The following NREP variants were observed in gnomAD, a reference collection of about 807,000 sequenced individuals.
NREP encodes neuronal regeneration-related protein.
NREP carries 5 observed loss-of-function variants against 8.6 expected under a neutral mutation model. The ratio of observed to expected loss-of-function variants is 0.58; its 90% CI spans 0.30 to 1.22. The LOEUF is 1.22. Among genes scored for constraint, NREP ranks in the 50% most tolerant of loss-of-function variants. The probability of loss-of-function intolerance (pLI) is 0.07; values close to 1 mark genes in which losing one functional copy is unlikely to be tolerated. For missense variants in NREP, 86 were observed against 82.5 expected, an observed-to-expected ratio of 1.04 and a Z score of -0.17; for synonymous variants, 27 against 28.0, an observed-to-expected ratio of 0.96 and a Z score of 0.11.
At chr5:111,909,367 G>T (rs1754854361) in intron 2 of NREP, among the ~76,000 whole-genome samples, 1 of 152,046 alleles carries the variant, frequency 6.6e-6, no homozygotes, top group South Asian at 2.1e-4. Flanking sequence ...AAAACACAAT[G>T]AGTTAGGTTG....
chr5:111,888,537 T>G (rs1406970673), intron 2 of NREP, among the ~76,000 whole-genome samples: 1 of 152,148 alleles, frequency 6.6e-6, no homozygotes, highest in Admixed American at 6.5e-5. Context: ...TCAATTACCT[T>G]CACCTAGTCC....
At chr5:111,902,149 T>C (rs1754661898) in intron 2 of NREP, among the ~76,000 whole-genome samples, 1 of 152,008 alleles carries the variant, frequency 6.6e-6, no homozygotes, top group Non-Finnish European at 1.5e-5. Context: ...ATCTATATAT[T>C]TTCAGCCAAC....
intron 2 of NREP, among the ~76,000 whole-genome samples, chr5:111,817,757 A>G (rs187802486): frequency 6.9e-6 from 1 of 144,490 alleles, no homozygotes; most frequent in East Asian, 2.1e-4. Flanking sequence ...GTGAGCTGAG[A>G]TCGTGCCACT....
At chr5:111,919,891 G>GA (rs1225499652) in intron 2 of NREP, among the ~76,000 whole-genome samples, 1 of 148,294 alleles carries the variant, frequency 6.7e-6, no homozygotes, top group Non-Finnish European at 1.5e-5. Context: ...AAGAAAGAAA[G>GA]AAAGAAAGAA....
At chr5:111,964,869 A>ATAAAT (rs1756593230) in intron 2 of NREP, among the ~76,000 whole-genome samples, 1 of 107,918 alleles carries the variant, frequency 9.3e-6, no homozygotes, top group African/African-American at 5.9e-5. Flanking sequence ...AAAAAAAAAA[A>ATAAAT]AAAAAAAAAA....
Position 111,729,669 on chromosome 5 carries a change from A to G in NREP, c.*1252T>C, listed in dbSNP as rs1434069299. On this transcript the variant is annotated 3_prime_UTR_variant, in exon 4 of 4. Coordinates refer to ENST00000257435, the MANE Select transcript of NREP (RefSeq NM_004772.4). ...CAAAAGAAGAGCTAAAGACAGTTAT[A>G]TAAAAATTAAGGTGGGCTTTCAGAC... 1 of 152,512 alleles carries G rather than the reference A, an allele frequency of 6.6e-6. No individual in the cohort carries two copies. The highest frequency in any genetic ancestry group is 1.5e-5 in the Non-Finnish European group (1 of 67,988). 9.4% of individuals were successfully genotyped at this position (152,512 alleles called of 1,614,324 possible). A position where few individuals can be genotyped will look rare whatever the true frequency, so the allele number is the denominator to read the frequency against.
In NREP at chr5:111,741,348, C is replaced by G. The variant is rs112846327; in HGVS notation, c.4-5841G>C. ...GGTTGTGAAACCTAGTACTGTAATT[C>G]AAGGAGAATTCATGCGCATATACAT... On this transcript the variant is annotated intron_variant, in intron 2 of 3. Transcript: ENST00000257435. Among the ~76,000 whole-genome samples, 571 of 152,218 alleles carry G rather than the reference C, an allele frequency of 3.8e-3. 3 individuals carry two copies. The highest frequency in any genetic ancestry group is 0.013 in the African/African-American group (550 of 41,524).
chr5:111,776,591 A>C (rs757790670), intron 2 of NREP, among the ~76,000 whole-genome samples: 1 of 152,206 alleles, frequency 6.6e-6, no homozygotes, highest in African/African-American at 2.4e-5. Flanking sequence ...AGAATGAATA[A>C]ATAGTCGTCG....
chr5:111,950,982 T>A (rs982715121), intron 2 of NREP, among the ~76,000 whole-genome samples: 1 of 152,096 alleles, frequency 6.6e-6, no homozygotes, highest in African/African-American at 2.4e-5. Context: ...GCACTATCCT[T>A]ACTCTCTGCC....
chr5:111,761,529 A>C (rs1015515117), upstream of NREP, among the ~76,000 whole-genome samples: 6 of 152,208 alleles, frequency 3.9e-5, no homozygotes, highest in South Asian at 1.2e-3. Flanking sequence ...CACCAGGTAC[A>C]GAACTCTACA....
At chr5:111,839,996 C>A (rs778105370) in intron 2 of NREP, among the ~76,000 whole-genome samples, 7 of 152,024 alleles carry the variant, frequency 4.6e-5, no homozygotes, top group Non-Finnish European at 7.4e-5. Context: ...ACATCCTGAT[C>A]GTGTTTCAGA....
At chr5:111,902,147 A>G (rs914712553) in intron 2 of NREP, among the ~76,000 whole-genome samples, 1 of 152,112 alleles carries the variant, frequency 6.6e-6, no homozygotes, top group Non-Finnish European at 1.5e-5. Context: ...TAATCTATAT[A>G]TTTTCAGCCA....
intron 2 of NREP, among the ~76,000 whole-genome samples, chr5:111,911,830 C>A (rs949003078): frequency 1.3e-4 from 20 of 152,082 alleles, no homozygotes; most frequent in African/African-American, 4.8e-4. Context: ...AATTTATACT[C>A]ATTGCCTACC....
chr5:111,970,825 CAAAAAAAA>C (rs33962098), intron 2 of NREP, among the ~76,000 whole-genome samples: 3 of 53,640 alleles, frequency 5.6e-5, no homozygotes, highest in Admixed American at 2.3e-4. Flanking sequence ...GACTCCATCT[CAAAAAAAA>C]AAAAAAAAAA....
At chr5:111,890,512 A>G (rs1483730212) in intron 2 of NREP, among the ~76,000 whole-genome samples, 3 of 152,096 alleles carry the variant, frequency 2.0e-5, no homozygotes, top group African/African-American at 2.4e-5. Flanking sequence ...CATTTCCCCT[A>G]TGCACTGCCC....
chr5:111,907,035 G>C (rs1388126646), intron 2 of NREP, among the ~76,000 whole-genome samples: 1 of 152,034 alleles, frequency 6.6e-6, no homozygotes, highest in Non-Finnish European at 1.5e-5. Context: ...CTCCCAAAGT[G>C]CTAAGATTAT....
intron 2 of NREP, among the ~76,000 whole-genome samples, chr5:111,876,700 G>C (rs1442376974): frequency 1.3e-5 from 2 of 152,170 alleles, no homozygotes; most frequent in East Asian, 3.8e-4. Context: ...TCTCCTGTTT[G>C]ACTATGCATA....
At chr5:111,793,073 T>C (rs994869075) in intron 2 of NREP, among the ~76,000 whole-genome samples, 1 of 152,178 alleles carries the variant, frequency 6.6e-6, no homozygotes, top group Non-Finnish European at 1.5e-5. Context: ...GACAGAACTC[T>C]CCACAAGTCA....
intron 2 of NREP, among the ~76,000 whole-genome samples, chr5:111,740,477 T>C (rs1011369734): frequency 3.9e-5 from 6 of 152,130 alleles, no homozygotes; most frequent in Admixed American, 6.6e-5. Flanking sequence ...TTCCTTTCTT[T>C]TGAGGCTTGT....
Sources: allele counts gnomAD v4.1 joint callset (sites outside exome capture counted in the v4.1 genomes callset), GRCh38; gene constraint gnomAD v4.1.1; transcripts MANE v1.5; gene names NCBI Gene and HGNC (gene_info 2026-07-23, HGNC 2026-07-21).